RPS6KA5: variants seen among roughly 807,000 people sequenced by gnomAD.
The protein encoded by RPS6KA5 is ribosomal protein S6 kinase alpha-5.
A neutral mutation model predicts 85.5 loss-of-function variants in RPS6KA5; 27 were observed. That is an observed-to-expected ratio of 0.32 (90% CI 0.23 to 0.44). RPS6KA5 has a LOEUF of 0.44. Ranked by LOEUF, RPS6KA5 falls within the 20% of genes least tolerant of loss-of-function variation. The pLI, the probability that RPS6KA5 is intolerant of heterozygous loss-of-function variation, is 1.00. For synonymous variants in RPS6KA5, 334 were observed against 348.2 expected, an observed-to-expected ratio of 0.96 and a Z score of 0.46; for missense variants, 811 against 980.9, an observed-to-expected ratio of 0.83 and a Z score of 2.31.
At chr14:90,894,655 TTGAC>T in intron 12 of RPS6KA5, 72 bp from the exon 13 acceptor site, 1 of 1,503,184 alleles carries the variant, frequency 6.7e-7, no homozygotes, top group East Asian at 2.3e-5. Context: ...AAAACATTTA[TTGAC>T]TATCTACCAC....
In RPS6KA5 at chr14:91,035,872, AAAAAAAAAAC is replaced by A. The variant is rs1368680346; in HGVS notation, c.103+24450_103+24459del. On this transcript the variant is annotated intron_variant, in intron 1 of 16. Transcript: ENST00000614987. ...CAAAAAAAAAAAAAAAAAAAAAAAA[AAAAAAAAAAC>A]CCCAAAGCTGAAGAATATGGTAATA... Among the ~76,000 whole-genome samples, 36 of 141,148 alleles carry A rather than the reference AAAAAAAAAAC, an allele frequency of 2.6e-4. 1 individual carries two copies. In the East Asian group the frequency reaches 5.9e-3, roughly 23 times the overall value. The allele number at this position is 141,148 out of a possible 152,430, so 92.6% of individuals were successfully genotyped here. A position where few individuals can be genotyped will look rare whatever the true frequency, so the allele number is the denominator to read the frequency against.
intron 13 of RPS6KA5, 117 bp from the exon 14 acceptor site, chr14:90,890,795 G>T: frequency 1.2e-6 from 1 of 855,100 alleles, no homozygotes; most frequent in Non-Finnish European, 1.8e-6. Context: ...GAGGTCTCAT[G>T]GGGAGGCGCG....
At chr14:90,946,780 CAAAA>C (rs1473706778) in intron 4 of RPS6KA5, among the ~76,000 whole-genome samples, 1 of 152,082 alleles carries the variant, frequency 6.6e-6, no homozygotes, top group African/African-American at 2.4e-5. Flanking sequence ...TTAAGTAAAA[CAAAA>C]AACCGAGTGA....
At chr14:91,058,088 T>C (rs992162608) in intron 1 of RPS6KA5, among the ~76,000 whole-genome samples, 9 of 152,212 alleles carry the variant, frequency 5.9e-5, no homozygotes, top group Admixed American at 2.0e-4. Context: ...TCAGATCAAA[T>C]TACTCTGGTG....
intron 8 of RPS6KA5, among the ~76,000 whole-genome samples, chr14:90,904,570 A>T (rs1035260591): frequency 6.6e-6 from 1 of 152,232 alleles, no homozygotes; most frequent in Non-Finnish European, 1.5e-5. Flanking sequence ...TTATAAGCAC[A>T]TAACTTGTGC....
intron 3 of RPS6KA5, among the ~76,000 whole-genome samples, chr14:90,972,225 GT>G (rs1295843455): frequency 6.6e-6 from 1 of 152,042 alleles, no homozygotes; most frequent in Non-Finnish European, 1.5e-5. Flanking sequence ...ATACCTTACG[GT>G]TTTTCCCCCC....
At chr14:90,993,295 C>G (rs1343590300) in intron 2 of RPS6KA5, among the ~76,000 whole-genome samples, 3 of 152,260 alleles carry the variant, frequency 2.0e-5, no homozygotes, top group East Asian at 1.9e-4. Context: ...CAAAAATTAG[C>G]CAGCCATGGT....
intron 2 of RPS6KA5, among the ~76,000 whole-genome samples, chr14:90,995,510 C>T (rs2040481072): frequency 1.3e-5 from 2 of 152,230 alleles, no homozygotes; most frequent in South Asian, 4.1e-4. Context: ...TTCTCTACCG[C>T]TTGAGTGCCT....
intron 14 of RPS6KA5, among the ~76,000 whole-genome samples, chr14:90,885,289 A>G: frequency 6.7e-6 from 1 of 149,916 alleles, no homozygotes; most frequent in Non-Finnish European, 1.5e-5. Context: ...ACGGTGGCTC[A>G]CACCTGTAAT....
At position 90,920,536 on chromosome 14, in the gene RPS6KA5, C is replaced by T. The variant is rs189305120; in HGVS notation, c.703-227G>A. ...GCATGTTATTTCTTAAACTAGTAACCGTTTACCTTGATAATTTAAAAAATT... is the reference window on the plus strand; with the variant it reads ...GCATGTTATTTCTTAAACTAGTAACTGTTTACCTTGATAATTTAAAAAATT... On this transcript the variant is annotated intron_variant, in intron 6 of 16. Transcript: ENST00000614987. Among the ~76,000 whole-genome samples the T allele has an allele frequency of 6.6e-5, 10 of 151,828 alleles. No individual in the cohort carries two copies. In the East Asian group the frequency reaches 1.5e-3, roughly 23 times the overall value.
chr14:90,999,995 A>G (rs2040713437), intron 2 of RPS6KA5, among the ~76,000 whole-genome samples: 1 of 152,040 alleles, frequency 6.6e-6, no homozygotes, highest in South Asian at 2.1e-4. Context: ...ATGAGGTCTC[A>G]CTATGTTTCC....
chr14:90,989,016 A>AAAGT (rs66520128), intron 2 of RPS6KA5, among the ~76,000 whole-genome samples: 1 of 152,338 alleles, frequency 6.6e-6, no homozygotes, highest in South Asian at 2.1e-4. Context: ...AGATGCTAAT[A>AAAGT]AAGTAAGTGA....
intron 4 of RPS6KA5, 87 bp from the exon 5 acceptor site, chr14:90,943,272 T>A (rs1203660395): frequency 1.8e-5 from 9 of 505,630 alleles, no homozygotes; most frequent in Middle Eastern, 5.0e-4. Flanking sequence ...TATTTATTTA[T>A]TTTTTTTTTT....
At chr14:91,035,847 C>CAAAAAAAAAAAAAAAAAAAAAAAAAAAA (rs199625173) in intron 1 of RPS6KA5, among the ~76,000 whole-genome samples, 2 of 69,908 alleles carry the variant, frequency 2.9e-5, no homozygotes, top group African/African-American at 6.7e-5. Flanking sequence ...CCCTCACCTT[C>CAAAAAAAAAAAAAAAAAAAAAAAAAAAA]AAAAAAAAAA....
chr14:90,932,390 TC>T (rs2037032663), intron 5 of RPS6KA5, among the ~76,000 whole-genome samples: 1 of 152,140 alleles, frequency 6.6e-6, no homozygotes, highest in African/African-American at 2.4e-5. Context: ...TCCTCCTACC[TC>T]GGCCTCCCAA....
intron 6 of RPS6KA5, among the ~76,000 whole-genome samples, chr14:90,920,808 A>G (rs926307461): frequency 6.6e-6 from 1 of 152,048 alleles, no homozygotes; most frequent in African/African-American, 2.4e-5. Context: ...AAAATAATAT[A>G]AAATAAAATG....
chr14:90,973,930 C>T (rs1329999948), intron 3 of RPS6KA5, among the ~76,000 whole-genome samples: 13 of 148,604 alleles, frequency 8.7e-5, no homozygotes, highest in Admixed American at 7.5e-4. Context: ...CCCAGCTACT[C>T]GGGAGGCTGA....
chr14:90,941,993 C>T (rs79618688), intron 5 of RPS6KA5, among the ~76,000 whole-genome samples: 3,990 of 152,194 alleles, frequency 0.026, 70 homozygotes, highest in Non-Finnish European at 0.038. Context: ...TTTATAACTA[C>T]GATATTTGTA....
intron 1 of RPS6KA5, among the ~76,000 whole-genome samples, chr14:91,058,519 A>G (rs1013815070): frequency 1.3e-4 from 20 of 152,270 alleles, no homozygotes; most frequent in African/African-American, 4.8e-4. Flanking sequence ...GACTTCAAGT[A>G]GCTTTTGCTG....
Sources: gnomAD v4.1 joint callset for allele counts (sites outside exome capture counted in the v4.1 genomes callset) on GRCh38, gnomAD v4.1.1 for gene constraint, MANE v1.5 for transcripts, NCBI Gene and HGNC (gene_info 2026-07-23, HGNC 2026-07-21) for gene names.